LSG1: variants seen among roughly 807,000 people sequenced by gnomAD.
LSG1 encodes large subunit GTPase 1 homolog.
A neutral mutation model predicts 82.6 loss-of-function variants in LSG1; 55 were observed. The observed-to-expected ratio is 0.67, with a 90% CI of 0.54 to 0.83. The LOEUF is 0.83. LSG1 is among the 40% of genes least tolerant of loss of function. The probability of loss-of-function intolerance (pLI) is 0.00; values close to 1 mark genes in which losing one functional copy is unlikely to be tolerated. For synonymous variants in LSG1, 272 were observed against 282.5 expected (o/e 0.96, Z 0.37); for missense variants, 809 against 807.9 (o/e 1.00, Z -0.02).
At chr3:194,648,911 C>A in intron 10 of LSG1, 107 bp from the exon 11 acceptor site, 1 of 1,080,500 alleles carries the variant, frequency 9.3e-7, no homozygotes. Context: ...GACAAACACT[C>A]TCTCCTCTCC....
chr3:194,657,467 T>C (rs1718817266), intron 7 of LSG1, among the ~76,000 whole-genome samples: 1 of 151,528 alleles, frequency 6.6e-6, no homozygotes, highest in Middle Eastern at 3.2e-3. Context: ...AGTTTTTTTT[T>C]TTTTTTTTTT....
rs1186395285 is a variant in LSG1, at chr3:194,665,746, C to A, written c.435-103G>T. On this transcript the variant is annotated intron_variant, in intron 4 of 13. Transcript: ENST00000265245. Reference sequence around the variant, plus strand: ...TTACATTAAAAATAAGTACTGGGCACAAATATCCAGAGTCAAATTATTTTA... The same window carrying A: ...TTACATTAAAAATAAGTACTGGGCAAAAATATCCAGAGTCAAATTATTTTA... 6 of 623,390 alleles carry A rather than the reference C, an allele frequency of 9.6e-6. No homozygotes were observed. In the East Asian group the frequency reaches 1.7e-4, roughly 17 times the overall value. 38.6% of individuals were successfully genotyped at this position (623,390 alleles called of 1,614,324 possible).
At position 194,641,766 on chromosome 3, in the gene LSG1, A is replaced by C; in HGVS notation, c.*302T>G. On this transcript the variant is annotated 3_prime_UTR_variant, in exon 14 of 14. Coordinates refer to ENST00000265245, the MANE Select transcript of LSG1 (RefSeq NM_018385.3). Reference sequence around the variant, plus strand: ...GTAGCTGGGATTACAGGTGCGCGCCACCACGCCTGGCTAATTTTTTTGTAT... The same window carrying C: ...GTAGCTGGGATTACAGGTGCGCGCCCCCACGCCTGGCTAATTTTTTTGTAT... 1 of 212,804 alleles carries C rather than the reference A, an allele frequency of 4.7e-6. No homozygotes were observed. Among genetic ancestry groups the C allele is most frequent in the Non-Finnish European group, 9.3e-6 (1 of 107,476 alleles). The allele number at this position is 212,804 out of a possible 1,614,324, so 13.2% of individuals were successfully genotyped here. A position where few individuals can be genotyped will look rare whatever the true frequency, so the allele number is the denominator to read the frequency against.
chr3:194,668,059 G>A (rs192901727), intron 2 of LSG1, among the ~76,000 whole-genome samples: 20 of 149,402 alleles, frequency 1.3e-4, no homozygotes, highest in Non-Finnish European at 2.5e-4. Context: ...GAGTTGTGCA[G>A]CCATTGCCAC....
intron 7 of LSG1, among the ~76,000 whole-genome samples, chr3:194,657,759 G>A (rs1170903477): frequency 6.6e-6 from 1 of 152,178 alleles, no homozygotes; most frequent in Non-Finnish European, 1.5e-5. Flanking sequence ...ACAGCTGCAG[G>A]AGAGAACCGA....
intron 4 of LSG1, 50 bp downstream of exon 4, chr3:194,666,153 T>C: frequency 6.7e-7 from 1 of 1,502,768 alleles, no homozygotes; most frequent in Non-Finnish European, 9.2e-7. Flanking sequence ...ATGCCAAATA[T>C]CTGAACTCAG....
At chr3:194,647,052 A>G (rs1327247664) in intron 11 of LSG1, among the ~76,000 whole-genome samples, 1 of 152,248 alleles carries the variant, frequency 6.6e-6, no homozygotes, top group Non-Finnish European at 1.5e-5. Context: ...GTTCCCTCAC[A>G]TACTAGCTGT....
chr3:194,657,709 C>T (rs1162114220), intron 7 of LSG1, among the ~76,000 whole-genome samples: 2 of 152,030 alleles, frequency 1.3e-5, no homozygotes. Flanking sequence ...ATGGGTGTCC[C>T]GGAGCTGGTG....
intron 11 of LSG1, 145 bp downstream of exon 11, chr3:194,648,536 C>A (rs1018463021): frequency 2.0e-6 from 2 of 1,005,230 alleles, no homozygotes; most frequent in Non-Finnish European, 2.8e-6. Context: ...CCCACAGAGA[C>A]GAAAGATGGC....
At position 194,672,110 on chromosome 3, in the gene LSG1, C is replaced by T. The variant is rs138110214; in HGVS notation, c.53G>A (p.Arg18His). The T allele has an allele frequency of 1.2e-6, 2 of 1,609,818 alleles. No homozygotes were observed. The highest frequency in any genetic ancestry group is 4.5e-5 in the East Asian group (2 of 44,882). The change falls in exon 1 of 14, where the codon CGC becomes CAC. Residue 18 changes from arginine (R) to histidine (H), a missense_variant. Coordinates refer to ENST00000265245, the MANE Select transcript of LSG1 (RefSeq NM_018385.3). The part of the protein sequence containing the change: ...AGGSLGRALM[R>H]HQTQRSRSHR... ...GCTTCGGCTCCGCTGAGTCTGATGGCGCATAAGGGCCCGTCCCAGCGACCC... is the reference window on the plus strand; with the variant it reads ...GCTTCGGCTCCGCTGAGTCTGATGGTGCATAAGGGCCCGTCCCAGCGACCC...
At chr3:194,659,203 G>A in intron 6 of LSG1, 70 bp from the exon 7 acceptor site, 2 of 1,304,570 alleles carry the variant, frequency 1.5e-6, no homozygotes, top group South Asian at 1.4e-5. Flanking sequence ...TTATATTAAA[G>A]ATCCCAATAC....
At chr3:194,661,968 AT>A (rs1269832873) in intron 5 of LSG1, among the ~76,000 whole-genome samples, 1 of 152,210 alleles carries the variant, frequency 6.6e-6, no homozygotes, top group East Asian at 1.9e-4. Context: ...CTGAACACAG[AT>A]GGTTACCTCT....
intron 7 of LSG1, among the ~76,000 whole-genome samples, chr3:194,654,765 C>T (rs1030765315): frequency 2.6e-5 from 4 of 151,988 alleles, no homozygotes; most frequent in Non-Finnish European, 4.4e-5. Flanking sequence ...AGGACTTTGC[C>T]GTAATTATGT....
At chr3:194,656,504 G>A (rs1718793242) in intron 7 of LSG1, among the ~76,000 whole-genome samples, 1 of 151,978 alleles carries the variant, frequency 6.6e-6, no homozygotes, top group African/African-American at 2.4e-5. Flanking sequence ...AACAACAGGT[G>A]CTGGAGAGGA....
intron 1 of LSG1, 139 bp downstream of exon 1, chr3:194,671,925 G>A: frequency 1.3e-6 from 1 of 751,718 alleles, no homozygotes. Flanking sequence ...CTGCTACTCA[G>A]CTTGGCAGAA....
chr3:194,642,098 A>G lies in LSG1; in HGVS notation c.1947T>C (p.Ser649=), dbSNP rs763467720. 6 of 1,612,854 alleles carry G rather than the reference A, an allele frequency of 3.7e-6. No homozygotes were observed. The highest frequency in any genetic ancestry group is 1.3e-5 in the African/African-American group (1 of 74,808). ...KHGNRNKKEK[S]RRLYKHLDM is the part of the protein sequence containing the mutation. Reference sequence around the variant, plus strand: ...TATCCAGGTGCTTGTAGAGTCTACGACTTTTTTCTTTTTTATTTCTGTTGC... The same window carrying G: ...TATCCAGGTGCTTGTAGAGTCTACGGCTTTTTTCTTTTTTATTTCTGTTGC... Residue 649 remains serine (S), a synonymous_variant, in exon 14 of 14, where the codon AGT becomes AGC. Coordinates refer to ENST00000265245, the MANE Select transcript of LSG1 (RefSeq NM_018385.3).
chr3:194,658,894 G>A (rs1197778078), intron 7 of LSG1, 63 bp downstream of exon 7: 4 of 1,426,470 alleles, frequency 2.8e-6, no homozygotes, highest in East Asian at 2.3e-5. Flanking sequence ...CACAAACGAA[G>A]CACATTAACA....
Position 194,669,194 on chromosome 3 carries a change from T to C in LSG1, c.226+815A>G, listed in dbSNP as rs528571974. On this transcript the variant is annotated intron_variant, in intron 2 of 13. Coordinates refer to ENST00000265245, the MANE Select transcript of LSG1 (RefSeq NM_018385.3). ...AAATTTGCTAAGACAGTATATATCT[T>C]GTTCTCACCGCACACACAAAAAAAC... 2.6e-5 allele frequency among the ~76,000 whole-genome samples: 4 copies of C among 152,332 alleles called. No homozygotes were observed. The South Asian group carries it at 8.3e-4, about 32-fold the overall frequency.
intron 10 of LSG1, among the ~76,000 whole-genome samples, chr3:194,650,504 T>C (rs1393190050): frequency 6.6e-6 from 1 of 152,240 alleles, no homozygotes; most frequent in African/African-American, 2.4e-5. Context: ...AAGTATTCAA[T>C]ATATGTTAGC....
Sources: allele counts gnomAD v4.1 joint callset (sites outside exome capture counted in the v4.1 genomes callset), GRCh38; gene constraint gnomAD v4.1.1; transcripts MANE v1.5; gene names NCBI Gene and HGNC (gene_info 2026-07-23, HGNC 2026-07-21).